GSKIP: variants seen among roughly 807,000 people sequenced by gnomAD.
GSKIP encodes the protein GSK3B interacting protein.
In GSKIP, 5 loss-of-function variants were observed where a neutral mutation model predicts 11.9. That is an observed-to-expected ratio of 0.42 (90% confidence interval 0.22 to 0.89). GSKIP has a LOEUF of 0.89. Ranked by LOEUF, GSKIP falls within the 40% of genes least tolerant of loss-of-function variation. GSKIP has a pLI of 0.29. For synonymous variants in GSKIP, 70 were observed against 62.9 expected, an observed-to-expected ratio of 1.11 and a Z score of -0.54; for missense variants, 150 against 166.6, an observed-to-expected ratio of 0.90 and a Z score of 0.55.
chr14:96,366,720 C>G (rs1340857996), intron 1 of GSKIP, among the ~76,000 whole-genome samples: 1 of 152,022 alleles, frequency 6.6e-6, no homozygotes, highest in Non-Finnish European at 1.5e-5. Context: ...AGAGCAAGAC[C>G]CTATTTCAAA....
At chr14:96,376,557 G>GT (rs751341587) in intron 1 of GSKIP, among the ~76,000 whole-genome samples, 4 of 152,122 alleles carry the variant, frequency 2.6e-5, no homozygotes, top group Non-Finnish European at 4.4e-5. Flanking sequence ...TGAGACCTCC[G>GT]TAAGACCAAT....
At chr14:96,364,110 T>G (rs1888790725) in intron 1 of GSKIP, 1 of 152,288 alleles carries the variant, frequency 6.6e-6, no homozygotes, top group Non-Finnish European at 1.5e-5. Context: ...CGCCGGAACC[T>G]GGGTGAAGAA....
intron 1 of GSKIP, chr14:96,364,664 A>T (rs1888817174): frequency 6.6e-6 from 1 of 152,256 alleles, no homozygotes; most frequent in Non-Finnish European, 1.5e-5. Flanking sequence ...TTGTAGACTC[A>T]TCTCAAGTAT....
intron 1 of GSKIP, chr14:96,363,876 A>T (rs1207401222): frequency 6.6e-6 from 1 of 152,324 alleles, no homozygotes; most frequent in Non-Finnish European, 1.5e-5. Context: ...GCACCCGAGC[A>T]TTGACCGGTG....
In GSKIP at chr14:96,382,349, G is replaced by T. The variant is rs760855629; in HGVS notation, c.102G>T (p.Arg34Ser). The T allele has an allele frequency of 1.2e-5, 19 of 1,613,792 alleles. No individual in the cohort carries two copies. The Middle Eastern group carries it at 4.9e-4, about 42-fold the overall frequency. ...GFEGTDMKDM[R>S]LEAEAVVNDV... is the part of the protein sequence containing the mutation. ...AAGGAACTGACATGAAAGACATGAG[G>T]CTCGAAGCTGAAGCAGTTGTAAATG... The change falls in exon 3 of 4, where the codon AGG becomes AGT. Residue 34 changes from arginine to serine, a missense_variant. Coordinates refer to ENST00000555181, the MANE Select transcript of GSKIP (RefSeq NM_016472.5).
chr14:96,380,636 C>G (rs1309085185), intron 2 of GSKIP, among the ~76,000 whole-genome samples: 1 of 152,160 alleles, frequency 6.6e-6, no homozygotes, highest in Non-Finnish European at 1.5e-5. Flanking sequence ...TTGGAAATAG[C>G]AATGGACTGT....
rs200254306 is a variant in GSKIP at position 96,366,752 on chromosome 14, AAG to A, written c.-103+3186_-103+3187del. On this transcript the variant is annotated intron_variant, in intron 1 of 3. Coordinates refer to ENST00000555181, the MANE Select transcript of GSKIP (RefSeq NM_016472.5). The stretch of plus-strand genomic sequence containing the variant: ...CAAAAAATAATAATAAATTTTAAAA[AAG>A]AAAATAATTACCCAACCGAATATTG... Among the ~76,000 whole-genome samples, 315 of 152,360 alleles carry A rather than the reference AAG, an allele frequency of 2.1e-3. 3 individuals carry two copies. The East Asian group carries it at 0.036, about 18-fold the overall frequency.
intron 1 of GSKIP, among the ~76,000 whole-genome samples, 166 bp from the exon 2 acceptor site, chr14:96,379,522 T>C (rs1021170548): frequency 7.2e-5 from 11 of 152,326 alleles, no homozygotes; most frequent in Middle Eastern, 3.4e-3. Context: ...AAACAAGTTG[T>C]AATCATACCT....
chr14:96,375,432 C>G (rs940688909), intron 1 of GSKIP, among the ~76,000 whole-genome samples: 43 of 119,382 alleles, frequency 3.6e-4, no homozygotes, highest in Non-Finnish European at 6.6e-4. Flanking sequence ...ATTTCTTTTT[C>G]TCTCTTTTTT....
At chr14:96,371,442 C>CTTTT (rs570686090) in intron 1 of GSKIP, among the ~76,000 whole-genome samples, 1 of 112,800 alleles carries the variant, frequency 8.9e-6, no homozygotes, top group African/African-American at 3.7e-5. Flanking sequence ...TATCAACAAT[C>CTTTT]TTTTTTTTTT....
intron 1 of GSKIP, among the ~76,000 whole-genome samples, chr14:96,373,229 CAAAAAAAAAA>C (rs57931398): frequency 1.2e-5 from 1 of 82,812 alleles, no homozygotes; most frequent in African/African-American, 5.0e-5. Flanking sequence ...GACTCTGTCT[CAAAAAAAAAA>C]AAAAAAAAAA....
chr14:96,375,409 A>G (rs984737159), intron 1 of GSKIP, among the ~76,000 whole-genome samples: 1 of 150,456 alleles, frequency 6.6e-6, no homozygotes, highest in Non-Finnish European at 1.5e-5. Context: ...AAATTTATAA[A>G]GAAAAGAAAT....
At position 96,385,843 on chromosome 14, in the gene GSKIP, T is replaced by C; in HGVS notation, c.*159T>C. The stretch of plus-strand genomic sequence containing the variant: ...GGCTCAGAAGATTATTGAATAATGA[T>C]TTGTCTTAGTTTCTGTTTCAGTAAG... On this transcript the variant is annotated 3_prime_UTR_variant, in exon 4 of 4. Coordinates refer to ENST00000555181, the MANE Select transcript of GSKIP (RefSeq NM_016472.5). 3 of 571,544 alleles carry C rather than the reference T, an allele frequency of 5.2e-6. No homozygotes were observed. The highest frequency in any genetic ancestry group is 9.1e-6 in the Non-Finnish European group (3 of 330,274). 35.4% of individuals were successfully genotyped at this position (571,544 alleles called of 1,614,324 possible).
intron 2 of GSKIP, among the ~76,000 whole-genome samples, chr14:96,380,733 G>A (rs1889321959): frequency 6.6e-6 from 1 of 152,208 alleles, no homozygotes; most frequent in Non-Finnish European, 1.5e-5. Context: ...GTGGTGGCTT[G>A]AGCCTGTAGT....
chr14:96,380,898 G>A (rs577016139), intron 2 of GSKIP, among the ~76,000 whole-genome samples: 1 of 152,262 alleles, frequency 6.6e-6, no homozygotes, highest in East Asian at 1.9e-4. Context: ...TTTCTTACCA[G>A]TCTAATCTAA....
chr14:96,385,153 T>C (rs1566746651), intron 3 of GSKIP, among the ~76,000 whole-genome samples: 1 of 152,156 alleles, frequency 6.6e-6, no homozygotes, highest in Non-Finnish European at 1.5e-5. Flanking sequence ...ATGGGGTAAA[T>C]AATAGATGCA....
rs895568924 is a variant in GSKIP, at chr14:96,370,362, G to C, written c.-103+6794G>C. Among the ~76,000 whole-genome samples the C allele has an allele frequency of 2.0e-5, 3 of 152,292 alleles. No homozygotes were observed. The East Asian group carries it at 5.8e-4, about 29-fold the overall frequency. On this transcript the variant is annotated intron_variant, in intron 1 of 3. Transcript: ENST00000555181. ...TGAATGTGAGAAGGACACTAGATTT[G>C]AGAAGCGAGGAGTGGAAGGCTATGG...
At chr14:96,367,184 A>G (rs1055541099) in intron 1 of GSKIP, among the ~76,000 whole-genome samples, 2 of 152,228 alleles carry the variant, frequency 1.3e-5, no homozygotes, top group African/African-American at 2.4e-5. Context: ...CCATGTATTC[A>G]TTCATTTAGT....
intron 1 of GSKIP, among the ~76,000 whole-genome samples, chr14:96,376,814 A>AT (rs1357337751): frequency 6.6e-6 from 1 of 152,242 alleles, no homozygotes; most frequent in Non-Finnish European, 1.5e-5. Context: ...CTTAAAAAAA[A>AT]GTCGGCTATG....
Sources: gnomAD v4.1 joint callset for allele counts (sites outside exome capture counted in the v4.1 genomes callset) on GRCh38, gnomAD v4.1.1 for gene constraint, MANE v1.5 for transcripts, NCBI Gene and HGNC (gene_info 2026-07-23, HGNC 2026-07-21) for gene names.